The following PPARGC1A variants were observed in gnomAD, a reference collection of about 807,000 sequenced individuals.
PPARGC1A encodes peroxisome proliferator-activated receptor gamma coactivator 1-alpha.
Under a neutral mutation model 88.7 loss-of-function variants are expected in PPARGC1A, and 25 were observed. The observed-to-expected ratio is 0.28, with a 90% CI of 0.21 to 0.39. The LOEUF (loss-of-function observed/expected upper bound fraction) is 0.39, where lower values mean the gene tolerates loss of function less well. Among genes scored for constraint, PPARGC1A ranks in the 10% least tolerant of loss-of-function variants. PPARGC1A has a pLI of 1.00. For synonymous variants in PPARGC1A, 363 were observed against 355.6 expected (o/e 1.02, Z -0.24); for missense variants, 880 against 968.7 (o/e 0.91, Z 1.22).
the PPARGC1A span, among the ~76,000 whole-genome samples, chr4:24,291,613 A>G: frequency 7.2e-5 from 11 of 152,206 alleles, no homozygotes; most frequent in African/African-American, 2.7e-4. Context: ...ATGTCTCCAA[A>G]CACACAGCTA....
At chr4:24,378,850 A>G in the PPARGC1A span, among the ~76,000 whole-genome samples, 2 of 152,206 alleles carry the variant, frequency 1.3e-5, no homozygotes, top group Non-Finnish European at 2.9e-5. Flanking sequence ...ATTCTATATG[A>G]CTAATCTATA....
the PPARGC1A span, among the ~76,000 whole-genome samples, chr4:24,102,007 G>A: frequency 2.8e-4 from 42 of 152,146 alleles, no homozygotes; most frequent in Non-Finnish European, 2.2e-4. Flanking sequence ...CATTACAGCT[G>A]CAAGTAAGAT....
At chr4:24,033,752 G>A in the PPARGC1A span, among the ~76,000 whole-genome samples, 1 of 152,216 alleles carries the variant, frequency 6.6e-6, no homozygotes, top group African/African-American at 2.4e-5. Flanking sequence ...AGTTATTCCT[G>A]TCTCATGCTG....
intron 2 of PPARGC1A, among the ~76,000 whole-genome samples, chr4:23,869,868 C>T (rs968250559): frequency 6.6e-6 from 1 of 152,046 alleles, no homozygotes; most frequent in Non-Finnish European, 1.5e-5. Context: ...GCTTACTTAA[C>T]GATAACTCTA....
At chr4:24,124,752 T>C in the PPARGC1A span, among the ~76,000 whole-genome samples, 4 of 152,118 alleles carry the variant, frequency 2.6e-5, no homozygotes, top group Non-Finnish European at 5.9e-5. Context: ...TATCTAGTAG[T>C]AGGCAGACTG....
chr4:23,998,977 A>G, the PPARGC1A span, among the ~76,000 whole-genome samples: 4 of 152,268 alleles, frequency 2.6e-5, no homozygotes, highest in South Asian at 2.1e-4. Context: ...TGTCATGCAC[A>G]TTGAGATCAA....
At chr4:24,177,681 G>GA in the PPARGC1A span, among the ~76,000 whole-genome samples, 141,802 of 144,542 alleles carry the variant, frequency 0.98, 69,575 homozygotes, top group East Asian at 1. Flanking sequence ...TTTAAAAAAG[G>GA]AAAAAAAAAA....
At chr4:24,276,228 T>C in the PPARGC1A span, among the ~76,000 whole-genome samples, 1 of 152,192 alleles carries the variant, frequency 6.6e-6, no homozygotes, top group Non-Finnish European at 1.5e-5. Context: ...ACTTGTTTTC[T>C]CTTGAGGTAG....
the PPARGC1A span, among the ~76,000 whole-genome samples, chr4:24,355,733 C>T: frequency 9.9e-5 from 15 of 152,132 alleles, no homozygotes; most frequent in Admixed American, 4.6e-4. Context: ...ACAAACCCGC[C>T]GAGAGACAAG....
At chr4:24,360,206 C>T in the PPARGC1A span, among the ~76,000 whole-genome samples, 141 of 152,314 alleles carry the variant, frequency 9.3e-4, 1 homozygote, top group Non-Finnish European at 1.7e-3. Context: ...TACCACCACC[C>T]GTAGCCCACC....
the PPARGC1A span, among the ~76,000 whole-genome samples, chr4:24,132,293 T>C: frequency 1.2e-5 from 1 of 83,122 alleles, no homozygotes; most frequent in Admixed American, 1.1e-4. Context: ...GCTTTCTATA[T>C]CAGAAAAAAA....
the PPARGC1A span, among the ~76,000 whole-genome samples, chr4:24,345,040 GC>G: frequency 6.6e-6 from 1 of 151,954 alleles, no homozygotes; most frequent in African/African-American, 2.4e-5. Flanking sequence ...GTTTTTGTTT[GC>G]TTTGTCAAAG....
the PPARGC1A span, among the ~76,000 whole-genome samples, chr4:24,420,423 G>C: frequency 3.3e-3 from 502 of 152,240 alleles, 4 homozygotes; most frequent in African/African-American, 0.011. Flanking sequence ...CGCGTTGAAG[G>C]CATGATATAG....
chr4:23,965,517 C>T, the PPARGC1A span, among the ~76,000 whole-genome samples: 1 of 152,122 alleles, frequency 6.6e-6, no homozygotes, highest in Admixed American at 6.5e-5. Flanking sequence ...TACAGAGGTA[C>T]AATACAGACT....
chr4:24,327,287 G>C, the PPARGC1A span, among the ~76,000 whole-genome samples: 10 of 152,244 alleles, frequency 6.6e-5, no homozygotes, highest in South Asian at 4.1e-4. Context: ...ACTATCTTCT[G>C]TCTAGTCATA....
the PPARGC1A span, among the ~76,000 whole-genome samples, chr4:24,407,049 T>C: frequency 1.3e-5 from 2 of 152,154 alleles, no homozygotes; most frequent in Non-Finnish European, 2.9e-5. Flanking sequence ...CATAGATACA[T>C]ACCAGGCACC....
rs1717119410 is a variant in PPARGC1A, at chr4:23,794,215, T to C, written c.*1607A>G. 6.6e-6 allele frequency: 1 copy of C among 152,588 alleles called. No individual in the cohort carries two copies. The highest frequency in any genetic ancestry group is 1.5e-5 in the Non-Finnish European group (1 of 68,022). The allele number at this position is 152,588 out of a possible 1,614,324, so 9.5% of individuals were successfully genotyped here. On this transcript the variant is annotated 3_prime_UTR_variant, in exon 13 of 13. Transcript: ENST00000264867. ...TTTTGACTTCTAGTTTCAAAACTAC[T>C]GTTGATAGAGAAAATAAAAACATTT...
chr4:24,412,395 G>T, the PPARGC1A span, among the ~76,000 whole-genome samples: 1 of 151,250 alleles, frequency 6.6e-6, no homozygotes, highest in South Asian at 2.1e-4. Context: ...ATGGTTAGGG[G>T]GAAAAAAAAC....
At chr4:24,157,198 T>C in the PPARGC1A span, among the ~76,000 whole-genome samples, 2 of 152,180 alleles carry the variant, frequency 1.3e-5, no homozygotes, top group Non-Finnish European at 2.9e-5. Context: ...CTGATCATCA[T>C]CCATTTTGTT....
Sources: allele counts gnomAD v4.1 joint callset (sites outside exome capture counted in the v4.1 genomes callset), GRCh38; gene constraint gnomAD v4.1.1; transcripts MANE v1.5; gene names NCBI Gene and HGNC (gene_info 2026-07-23, HGNC 2026-07-21).